RNGTT: variants seen among roughly 807,000 people sequenced by gnomAD.
The protein encoded by RNGTT is mRNA-capping enzyme.
Under a neutral mutation model 79.3 loss-of-function variants are expected in RNGTT, and 33 were observed. That is an observed-to-expected ratio of 0.42 (90% CI 0.32 to 0.56). The LOEUF (loss-of-function observed/expected upper bound fraction) is 0.56, where lower values mean the gene tolerates loss of function less well. Among genes scored for constraint, RNGTT ranks in the 20% least tolerant of loss-of-function variants. The pLI, the probability that RNGTT is intolerant of heterozygous loss-of-function variation, is 0.17. For synonymous variants in RNGTT, 222 were observed against 235.9 expected, an observed-to-expected ratio of 0.94 and a Z score of 0.54; for missense variants, 497 against 739.1, an observed-to-expected ratio of 0.67 and a Z score of 3.80.
At chr6:88,630,049 G>A (rs751374931) in intron 14 of RNGTT, among the ~76,000 whole-genome samples, 7 of 152,208 alleles carry the variant, frequency 4.6e-5, no homozygotes, top group South Asian at 2.1e-4. Context: ...CAAGTACACC[G>A]GCAACCCTGA....
chr6:88,840,192 A>G (rs1189669255), intron 11 of RNGTT, among the ~76,000 whole-genome samples: 1 of 152,184 alleles, frequency 6.6e-6, no homozygotes, highest in Non-Finnish European at 1.5e-5. Context: ...TCTCCACAGC[A>G]ATAACCTGTC....
chr6:88,882,342 T>C (rs1265868856), intron 8 of RNGTT, among the ~76,000 whole-genome samples: 2 of 152,212 alleles, frequency 1.3e-5, no homozygotes, highest in African/African-American at 4.8e-5. Context: ...TATCCACAAA[T>C]AATTTATTAT....
chr6:88,908,076 T>C (rs1250193506), intron 4 of RNGTT, among the ~76,000 whole-genome samples: 1 of 152,210 alleles, frequency 6.6e-6, no homozygotes, highest in Non-Finnish European at 1.5e-5. Context: ...TTCTTCTCTG[T>C]ATATATAGAT....
chr6:88,901,509 T>A (rs1783462470), intron 6 of RNGTT, among the ~76,000 whole-genome samples: 1 of 127,838 alleles, frequency 7.8e-6, no homozygotes, highest in African/African-American at 3.0e-5. Flanking sequence ...TTTTTTTTTT[T>A]TTTTTTTTTT....
At chr6:88,732,082 C>A (rs758176614) in intron 13 of RNGTT, among the ~76,000 whole-genome samples, 1 of 152,028 alleles carries the variant, frequency 6.6e-6, no homozygotes, top group Non-Finnish European at 1.5e-5. Context: ...CTTGCTGTCT[C>A]AGGGGTGGCA....
intron 14 of RNGTT, among the ~76,000 whole-genome samples, chr6:88,673,123 C>G (rs1562185772): frequency 6.6e-6 from 1 of 152,128 alleles, no homozygotes; most frequent in African/African-American, 2.4e-5. Context: ...GCCTCCAACA[C>G]CAAGCCACCC....
chr6:88,720,462 C>A (rs1776670202), intron 13 of RNGTT, among the ~76,000 whole-genome samples: 1 of 152,048 alleles, frequency 6.6e-6, no homozygotes, highest in East Asian at 1.9e-4. Context: ...TACCACCTCT[C>A]TGGGAACATT....
intron 11 of RNGTT, among the ~76,000 whole-genome samples, chr6:88,812,795 A>G (rs1780183899): frequency 6.6e-6 from 1 of 152,248 alleles, no homozygotes; most frequent in South Asian, 2.1e-4. Context: ...GGACCTAAAT[A>G]CACATAAAAT....
chr6:88,853,250 G>A (rs1208866543), intron 9 of RNGTT, among the ~76,000 whole-genome samples: 9 of 152,224 alleles, frequency 5.9e-5, no homozygotes, highest in African/African-American at 2.2e-4. Context: ...GCTCATGCCT[G>A]TAATCCCAGC....
At chr6:88,826,799 A>ATATATATATATATATGTGTGTGT (rs1243384941) in intron 11 of RNGTT, among the ~76,000 whole-genome samples, 3 of 126,930 alleles carry the variant, frequency 2.4e-5, no homozygotes, top group African/African-American at 6.2e-5. Flanking sequence ...AAAAAAAAAA[A>ATATATATATATATATGTGTGTGT]ATATATATAT....
chr6:88,741,870 C>T (rs1044344924), intron 13 of RNGTT, among the ~76,000 whole-genome samples: 19 of 152,040 alleles, frequency 1.2e-4, no homozygotes, highest in African/African-American at 4.6e-4. Context: ...TTTATAATTG[C>T]AAATAACCCC....
At chr6:88,942,349 T>A (rs1418800711) in intron 1 of RNGTT, among the ~76,000 whole-genome samples, 1 of 152,122 alleles carries the variant, frequency 6.6e-6, no homozygotes, top group Non-Finnish European at 1.5e-5. Flanking sequence ...CCAATTTTTT[T>A]AACATCTATT....
intron 1 of RNGTT, among the ~76,000 whole-genome samples, chr6:88,953,589 G>A (rs1298827318): frequency 6.6e-6 from 1 of 152,184 alleles, no homozygotes; most frequent in East Asian, 1.9e-4. Flanking sequence ...CCTTGCTAGA[G>A]ATCTAGACAT....
At chr6:88,649,671 T>A (rs368555387) in intron 14 of RNGTT, among the ~76,000 whole-genome samples, 2 of 151,740 alleles carry the variant, frequency 1.3e-5, no homozygotes, top group African/African-American at 4.8e-5. Flanking sequence ...CACTCCCGCC[T>A]GGGTGAAAGA....
At chr6:88,928,884 A>G in intron 4 of RNGTT, 101 bp downstream of exon 4, 1 of 789,728 alleles carries the variant, frequency 1.3e-6, no homozygotes, top group Non-Finnish European at 2.1e-6. Flanking sequence ...TCATTATTTA[A>G]AACAGAAAAA....
chr6:88,710,121 G>A (rs1776268525), intron 13 of RNGTT, among the ~76,000 whole-genome samples: 1 of 152,190 alleles, frequency 6.6e-6, no homozygotes, highest in Admixed American at 6.5e-5. Context: ...GGAGCTGGGT[G>A]CAGTAGAGTG....
chr6:88,676,921 A>C (rs1010475801), intron 14 of RNGTT, among the ~76,000 whole-genome samples: 3 of 152,194 alleles, frequency 2.0e-5, no homozygotes, highest in African/African-American at 7.2e-5. Flanking sequence ...AAAGGAAAGC[A>C]TAAGTCTATG....
chr6:88,851,182 T>TA (rs1344993697), intron 9 of RNGTT, among the ~76,000 whole-genome samples: 17 of 150,160 alleles, frequency 1.1e-4, no homozygotes, highest in African/African-American at 2.2e-4. Flanking sequence ...CAATTTTTTT[T>TA]AAAAAAAGAA....
intron 9 of RNGTT, 48 bp downstream of exon 9, chr6:88,853,581 A>G: frequency 7.7e-7 from 1 of 1,301,764 alleles, no homozygotes; most frequent in Non-Finnish European, 1.1e-6. Context: ...TACAAGGAAA[A>G]GAAAAATGGC....
Sources: allele counts gnomAD v4.1 joint callset (sites outside exome capture counted in the v4.1 genomes callset), GRCh38; gene constraint gnomAD v4.1.1; transcripts MANE v1.5; gene names NCBI Gene and HGNC (gene_info 2026-07-23, HGNC 2026-07-21).